The following ZRANB3 variants were observed in gnomAD, a reference collection of about 807,000 sequenced individuals.
ZRANB3 encodes DNA annealing helicase and endonuclease ZRANB3.
In ZRANB3, 125 loss-of-function variants were observed where a neutral mutation model predicts 133.8. The observed-to-expected ratio is 0.93, with a 90% CI of 0.81 to 1.08. The LOEUF (loss-of-function observed/expected upper bound fraction) is 1.08. Ranked by LOEUF, ZRANB3 falls within the 50% of genes least tolerant of loss-of-function variation. ZRANB3 has a pLI of 0.00. For missense variants in ZRANB3, 1,229 were observed against 1,275.5 expected (o/e 0.96, Z 0.56); for synonymous variants, 387 against 432.7 (o/e 0.89, Z 1.31).
intron 3 of ZRANB3, 143 bp downstream of exon 3, chr2:135,390,659 C>T: frequency 8.1e-7 from 1 of 1,230,904 alleles, no homozygotes; most frequent in Non-Finnish European, 1.1e-6. Flanking sequence ...CCCCCTCCCT[C>T]CTCACCCTCC....
chr2:135,469,777 C>CTGAGGCAGGTGGATCA (rs1332476902), intron 2 of ZRANB3, among the ~76,000 whole-genome samples: 1 of 152,172 alleles, frequency 6.6e-6, no homozygotes, highest in East Asian at 1.9e-4. Flanking sequence ...CTTTGGGAGG[C>CTGAGGCAGGTGGATCA]TGAGGCAGGT....
intron 2 of ZRANB3, among the ~76,000 whole-genome samples, chr2:135,491,896 C>A (rs867389902): frequency 9.2e-5 from 14 of 152,052 alleles, no homozygotes; most frequent in South Asian, 8.3e-4. Flanking sequence ...CAATTGATAT[C>A]GTGCTCAGAA....
chr2:135,211,742 T>C (rs1468676050), intron 17 of ZRANB3, among the ~76,000 whole-genome samples: 1 of 152,242 alleles, frequency 6.6e-6, no homozygotes, highest in Non-Finnish European at 1.5e-5. Flanking sequence ...TTCCATTATA[T>C]GGATAAACCA....
At chr2:135,363,311 G>A (rs1425481346) in intron 3 of ZRANB3, among the ~76,000 whole-genome samples, 6 of 152,106 alleles carry the variant, frequency 3.9e-5, no homozygotes, top group Non-Finnish European at 7.4e-5. Context: ...GGGACTACAG[G>A]CAAGCATCAC....
At chr2:135,287,343 C>A (rs1274240612) in intron 8 of ZRANB3, among the ~76,000 whole-genome samples, 1 of 152,132 alleles carries the variant, frequency 6.6e-6, no homozygotes, top group African/African-American at 2.4e-5. Flanking sequence ...AGTTCAAAGT[C>A]ATGTAATGTG....
intron 1 of ZRANB3, among the ~76,000 whole-genome samples, chr2:135,523,828 CAT>C (rs1694041666): frequency 6.6e-6 from 1 of 152,170 alleles, no homozygotes; most frequent in Non-Finnish European, 1.5e-5. Flanking sequence ...CAAATAAACA[CAT>C]GAGAGAATAC....
At chr2:135,515,478 G>A (rs559271717) in intron 1 of ZRANB3, among the ~76,000 whole-genome samples, 45 of 152,274 alleles carry the variant, frequency 3.0e-4, no homozygotes, top group African/African-American at 1.0e-3. Flanking sequence ...ATTCTGGTAC[G>A]TTGTGTCTTT....
intron 8 of ZRANB3, among the ~76,000 whole-genome samples, chr2:135,276,492 G>T (rs933391877): frequency 1.3e-5 from 2 of 152,082 alleles, no homozygotes; most frequent in African/African-American, 4.8e-5. Flanking sequence ...TTGAGGCCAA[G>T]TTACTTACTA....
chr2:135,375,941 C>T (rs1686411740), intron 3 of ZRANB3, among the ~76,000 whole-genome samples: 1 of 152,092 alleles, frequency 6.6e-6, no homozygotes, highest in South Asian at 2.1e-4. Flanking sequence ...GTTCTAACCT[C>T]TAGTATTTCA....
intron 3 of ZRANB3, among the ~76,000 whole-genome samples, chr2:135,367,260 C>T (rs1196305368): frequency 1.3e-5 from 2 of 152,140 alleles, no homozygotes; most frequent in Non-Finnish European, 2.9e-5. Flanking sequence ...GTGTTTAAAA[C>T]TCAGATCTGT....
Position 135,322,321 on chromosome 2 carries a change from T to C in ZRANB3, c.678-6791A>G, listed in dbSNP as rs998936339. Among the ~76,000 whole-genome samples the C allele has an allele frequency of 7.9e-5, 12 of 152,324 alleles. No homozygotes were observed. In the East Asian group the frequency reaches 2.3e-3, roughly 29 times the overall value. ...TCTTTTAAAAAAGGAACTTTGTCTT[T>C]GCATATAAATTTTAGATTTAAAATG... is the stretch of plus-strand genomic sequence containing the variant. On this transcript the variant is annotated intron_variant, in intron 6 of 20. Coordinates refer to ENST00000264159, the MANE Select transcript of ZRANB3 (RefSeq NM_032143.4).
chr2:135,401,249 A>G (rs111614891), intron 2 of ZRANB3, among the ~76,000 whole-genome samples: 116 of 149,810 alleles, frequency 7.7e-4, no homozygotes, highest in African/African-American at 2.8e-3. Context: ...TTTAATTATC[A>G]GTAATTATGA....
chr2:135,272,086 C>A (rs1027063113), intron 9 of ZRANB3, among the ~76,000 whole-genome samples, 199 bp from the exon 10 acceptor site: 1 of 152,038 alleles, frequency 6.6e-6, no homozygotes, highest in Admixed American at 6.6e-5. Context: ...TTTTTTTAAT[C>A]TTTTAAGCTA....
intron 12 of ZRANB3, among the ~76,000 whole-genome samples, chr2:135,234,751 A>G (rs1159573583): frequency 1.3e-5 from 2 of 152,226 alleles, no homozygotes; most frequent in South Asian, 2.1e-4. Flanking sequence ...GAGAACGAAG[A>G]CACAACATAC....
chr2:135,277,520 A>G (rs1245462190), intron 8 of ZRANB3, among the ~76,000 whole-genome samples: 1 of 152,258 alleles, frequency 6.6e-6, no homozygotes, highest in Admixed American at 6.5e-5. Context: ...CTACAAAAAA[A>G]ACAGATATAA....
intron 6 of ZRANB3, among the ~76,000 whole-genome samples, chr2:135,328,670 C>T (rs764069366): frequency 2.6e-5 from 4 of 152,284 alleles, no homozygotes; most frequent in South Asian, 4.1e-4. Context: ...CTAGTTTACA[C>T]TCCCACAAAC....
At chr2:135,209,890 A>G (rs981088894) in intron 17 of ZRANB3, among the ~76,000 whole-genome samples, 2 of 152,344 alleles carry the variant, frequency 1.3e-5, no homozygotes, top group South Asian at 2.1e-4. Flanking sequence ...TTATGTTATT[A>G]GGATAGATTT....
chr2:135,410,690 T>C (rs890052354), intron 2 of ZRANB3, among the ~76,000 whole-genome samples: 1 of 151,946 alleles, frequency 6.6e-6, no homozygotes, highest in African/African-American at 2.4e-5. Context: ...ACCTACAGAA[T>C]GGGAGAAAAT....
At chr2:135,467,735 T>C (rs1405370897) in intron 2 of ZRANB3, among the ~76,000 whole-genome samples, 2 of 152,250 alleles carry the variant, frequency 1.3e-5, no homozygotes, top group African/African-American at 4.8e-5. Context: ...CCAGCCATTC[T>C]GTCCCACCTC....
Sources: allele counts gnomAD v4.1 joint callset (sites outside exome capture counted in the v4.1 genomes callset), GRCh38; gene constraint gnomAD v4.1.1; transcripts MANE v1.5; gene names NCBI Gene and HGNC (gene_info 2026-07-23, HGNC 2026-07-21).